Variants in WNT5B observed in about 807,000 individuals in gnomAD.
The protein encoded by WNT5B is Wnt family member 5B, also known as protein Wnt-5b.
In WNT5B, 18 loss-of-function variants were observed where a neutral mutation model predicts 36.5. That is an observed-to-expected ratio of 0.49 (90% CI 0.34 to 0.73). The LOEUF (loss-of-function observed/expected upper bound fraction) is 0.73. WNT5B is among the 30% of genes least tolerant of loss of function. The pLI is 0.01. For missense variants in WNT5B, 424 were observed against 508.4 expected, an observed-to-expected ratio of 0.83 and a Z score of 1.60; for synonymous variants, 213 against 212.3, an observed-to-expected ratio of 1.00 and a Z score of -0.03.
At chr12:1,623,177 G>GTTTTTTTT (rs1565603144) in intron 1 of WNT5B, among the ~76,000 whole-genome samples, 2 of 98,186 alleles carry the variant, frequency 2.0e-5, no homozygotes, top group African/African-American at 4.3e-5. Context: ...CCTTTGAAGG[G>GTTTTTTTT]TTTTTTGTTG....
intron 3 of WNT5B, 63 bp from the exon 4 acceptor site, chr12:1,639,621 G>C: frequency 7.0e-7 from 1 of 1,430,264 alleles, no homozygotes; most frequent in Non-Finnish European, 9.1e-7. Context: ...GGGAGACGGG[G>C]GGAAGGACAG....
intron 3 of WNT5B, among the ~76,000 whole-genome samples, chr12:1,637,120 G>A (rs535543428): frequency 6.6e-6 from 1 of 152,294 alleles, no homozygotes; most frequent in African/African-American, 2.4e-5. Flanking sequence ...AAATTGCTGG[G>A]ATTACAGGTG....
intron 3 of WNT5B, among the ~76,000 whole-genome samples, chr12:1,637,840 A>G (rs891296756): frequency 6.6e-6 from 1 of 152,226 alleles, no homozygotes; most frequent in African/African-American, 2.4e-5. Flanking sequence ...CCCTTAATTA[A>G]AAATACTTTA....
At position 1,630,949 on chromosome 12, in the gene WNT5B, A is replaced by G. The variant is rs2094549472; in HGVS notation, c.-57-349A>G. On this transcript the variant is annotated intron_variant, in intron 1 of 4. Transcript: ENST00000397196. The surrounding 1 kb of genome is among the most constrained non-coding windows in gnomAD (Gnocchi z 5.3). ...TTTCTTTGGATGTTCTGCAGCAAGG[A>G]CAGGTATGCTTTACAACAGCCGAAG... 2 of 163,310 alleles carry G rather than the reference A, an allele frequency of 1.2e-5. No homozygotes were observed. The highest frequency in any genetic ancestry group is 1.2e-4 in the Admixed American group (2 of 16,866). The allele number at this position is 163,310 out of a possible 1,614,324, so 10.1% of individuals were successfully genotyped here.
chr12:1,630,208 G>C lies in WNT5B; in HGVS notation c.-58+837G>C. ...AGAGTGGCGCAGTGAGCCGGGGCGC[G>C]CGGGGCTGCGCTCGTCAGGTCCGGG... is the stretch of plus-strand genomic sequence containing the variant. On this transcript the variant is annotated intron_variant, in intron 1 of 4. Transcript: ENST00000397196. This position sits in a 1 kb window ranked among gnomAD's most constrained non-coding sequence, Gnocchi z 5.3. The C allele has an allele frequency of 1.0e-6, 1 of 985,332 alleles. No individual in the cohort carries two copies. Among genetic ancestry groups the C allele is most frequent in the Non-Finnish European group, 1.2e-6 (1 of 829,880 alleles). 61.0% of individuals were successfully genotyped at this position (985,332 alleles called of 1,614,324 possible). A position where few individuals can be genotyped will look rare whatever the true frequency, so the allele number is the denominator to read the frequency against.
At chr12:1,645,767 C>T (rs1344325904) in intron 4 of WNT5B, 27 bp from the exon 5 acceptor site, 2 of 1,543,034 alleles carry the variant, frequency 1.3e-6, no homozygotes, top group Non-Finnish European at 1.8e-6. Flanking sequence ...GATCCTCCTT[C>T]TTACTGCCTT....
intron 1 of WNT5B, among the ~76,000 whole-genome samples, chr12:1,621,832 AC>A (rs559418536): frequency 6.6e-6 from 1 of 151,866 alleles, no homozygotes; most frequent in Admixed American, 6.6e-5. Flanking sequence ...GATGTGAGCC[AC>A]CATGCCTGGC....
At chr12:1,636,497 CTATATATATATATATATATA>C (rs56095993) in intron 3 of WNT5B, among the ~76,000 whole-genome samples, 1,219 of 81,116 alleles carry the variant, frequency 0.015, 46 homozygotes, top group African/African-American at 0.048. Context: ...GTGTTGCAGT[CTATATATATATATATATATA>C]TATATATATA....
intron 1 of WNT5B, among the ~76,000 whole-genome samples, chr12:1,621,779 G>A (rs926721805): frequency 3.3e-5 from 5 of 149,724 alleles, no homozygotes; most frequent in Non-Finnish European, 7.4e-5. Flanking sequence ...TCCTGGCCTC[G>A]AGTGATCCTC....
upstream of WNT5B, among the ~76,000 whole-genome samples, chr12:1,627,502 G>A (rs1424016761): frequency 6.6e-6 from 1 of 152,190 alleles, no homozygotes; most frequent in Non-Finnish European, 1.5e-5. This position sits in a 1 kb window ranked among gnomAD's most constrained non-coding sequence, Gnocchi z 5.0. Context: ...AGAGTTGCTT[G>A]GGGTCTCAGC....
In WNT5B at chr12:1,644,348, G is replaced by A. The variant is rs186102841; in HGVS notation, c.622-1446G>A. ...CTGCTCTAAGCCAGCTTTAAGCCCC[G>A]AGATTGGAGTGGATAAGTGCTTGTT... On this transcript the variant is annotated intron_variant, in intron 4 of 4. Transcript: ENST00000397196. This position sits in a 1 kb window ranked among gnomAD's most constrained non-coding sequence, Gnocchi z 5.1. 7.4e-4 allele frequency among the ~76,000 whole-genome samples: 112 copies of A among 152,276 alleles called. No homozygotes were observed. The highest frequency in any genetic ancestry group is 2.3e-3 in the African/African-American group (94 of 41,548).
upstream of WNT5B, among the ~76,000 whole-genome samples, chr12:1,627,085 C>T (rs996412826): frequency 6.6e-6 from 1 of 152,154 alleles, no homozygotes; most frequent in African/African-American, 2.4e-5. The surrounding 1 kb of genome is among the most constrained non-coding windows in gnomAD (Gnocchi z 5.0). Flanking sequence ...CACACTATTC[C>T]ATGGCACATT....
chr12:1,631,823 C>G (rs2094551435), intron 2 of WNT5B, among the ~76,000 whole-genome samples: 1 of 152,072 alleles, frequency 6.6e-6, no homozygotes, highest in Non-Finnish European at 1.5e-5. Flanking sequence ...GTCTGAAGGC[C>G]AGATGAGGGG....
At chr12:1,624,320 G>A (rs1464980995), upstream of WNT5B, among the ~76,000 whole-genome samples, 3 of 147,340 alleles carry the variant, frequency 2.0e-5, no homozygotes, top group Non-Finnish European at 4.4e-5. Flanking sequence ...GGGAGGCGGA[G>A]GTTGCAGTGA....
upstream of WNT5B, among the ~76,000 whole-genome samples, chr12:1,626,725 G>A (rs369871523): frequency 4.3e-4 from 66 of 151,920 alleles, 1 homozygote; most frequent in South Asian, 0.014. Context: ...CCACCACACT[G>A]GGCTAATTTT....
At chr12:1,640,021 G>A in intron 4 of WNT5B, 45 bp downstream of exon 4, 2 of 1,563,872 alleles carry the variant, frequency 1.3e-6, no homozygotes, top group South Asian at 1.2e-5. Flanking sequence ...AGACCTAGGG[G>A]GCTGTTCCCG....
intron 3 of WNT5B, among the ~76,000 whole-genome samples, chr12:1,636,688 A>G (rs1414698414): frequency 6.6e-5 from 10 of 150,958 alleles, no homozygotes; most frequent in Admixed American, 6.6e-4. Context: ...CTACAGGCAC[A>G]TGCTACCATG....
intron 1 of WNT5B, among the ~76,000 whole-genome samples, chr12:1,621,971 C>G (rs544548297): frequency 1.2e-4 from 19 of 152,292 alleles, no homozygotes; most frequent in Admixed American, 7.2e-4. Context: ...TTGAAATTTT[C>G]TCTTTGACCA....
chr12:1,635,184 G>A (rs929423291), intron 3 of WNT5B, among the ~76,000 whole-genome samples: 15 of 152,186 alleles, frequency 9.9e-5, no homozygotes, highest in African/African-American at 3.6e-4. Context: ...GGCAGGCAGC[G>A]CACCGGAGGA....
Sources: gnomAD v4.1 joint callset for allele counts (sites outside exome capture counted in the v4.1 genomes callset) on GRCh38, gnomAD v4.1.1 for gene constraint, Gnocchi (gnomAD v3.1) non-coding constraint, MANE v1.5 for transcripts, NCBI Gene and HGNC (gene_info 2026-07-23, HGNC 2026-07-21) for gene names.